The following PPP2R5E variants were observed in gnomAD, a reference collection of about 807,000 sequenced individuals.
The protein encoded by PPP2R5E is protein phosphatase 2 regulatory subunit B'epsilon.
A neutral mutation model predicts 65.3 loss-of-function variants in PPP2R5E; 4 were observed. That is an observed-to-expected ratio of 0.06 (90% CI 0.03 to 0.14). PPP2R5E has a LOEUF of 0.14. Among genes scored for constraint, PPP2R5E ranks in the 10% least tolerant of loss-of-function variants. PPP2R5E has a pLI of 1.00. For synonymous variants in PPP2R5E, 183 were observed against 187.4 expected (o/e 0.98, Z 0.19); for missense variants, 274 against 556.1 (o/e 0.49, Z 5.10).
At chr14:63,482,916 C>G (rs1170751454) in intron 2 of PPP2R5E, among the ~76,000 whole-genome samples, 5 of 152,114 alleles carry the variant, frequency 3.3e-5, no homozygotes, top group Admixed American at 6.6e-5. Flanking sequence ...GTTCTAGGTA[C>G]CGACAATACC....
At position 63,435,334 on chromosome 14, in the gene PPP2R5E, C is replaced by T. The variant is rs1005822723; in HGVS notation, c.355-13240G>A. The stretch of plus-strand genomic sequence containing the variant: ...TGTGGGTAATGATTGAATTTAAATA[C>T]CGAAACTATGGGTGATTCTTTTTTT... On this transcript the variant is annotated intron_variant, in intron 3 of 13. Coordinates refer to ENST00000337537, the MANE Select transcript of PPP2R5E (RefSeq NM_006246.5). 1.1e-4 allele frequency among the ~76,000 whole-genome samples: 17 copies of T among 152,110 alleles called. No homozygotes were observed. The East Asian group carries it at 3.1e-3, about 28-fold the overall frequency.
At chr14:63,389,477 T>C in intron 11 of PPP2R5E, 135 bp downstream of exon 11, 1 of 1,055,944 alleles carries the variant, frequency 9.5e-7, no homozygotes, top group Non-Finnish European at 1.3e-6. Context: ...AGCTGGCCAC[T>C]ATTAAAATTA....
chr14:63,378,986 T>C (rs1373977881), intron 13 of PPP2R5E, among the ~76,000 whole-genome samples: 1 of 152,140 alleles, frequency 6.6e-6, no homozygotes, highest in Non-Finnish European at 1.5e-5. Flanking sequence ...ACCCTTCTAT[T>C]GCTCATTTGA....
chr14:63,477,184 A>T (rs1890452622), intron 2 of PPP2R5E, among the ~76,000 whole-genome samples: 1 of 152,164 alleles, frequency 6.6e-6, no homozygotes, highest in South Asian at 2.1e-4. Context: ...TTAAGACAGC[A>T]TATAATACTA....
chr14:63,463,786 C>T (rs926093554), intron 2 of PPP2R5E, among the ~76,000 whole-genome samples: 1 of 151,810 alleles, frequency 6.6e-6, no homozygotes, highest in Non-Finnish European at 1.5e-5. Context: ...TTAGTAGAGA[C>T]GGGGTTTCAC....
intron 2 of PPP2R5E, among the ~76,000 whole-genome samples, chr14:63,533,544 A>G (rs568901325): frequency 4.4e-4 from 66 of 150,988 alleles, no homozygotes; most frequent in African/African-American, 1.6e-3. Flanking sequence ...CTGGGCAACA[A>G]GAGCTAAACT....
intron 4 of PPP2R5E, among the ~76,000 whole-genome samples, chr14:63,417,227 C>A (rs1021743685): frequency 7.9e-5 from 12 of 152,248 alleles, no homozygotes; most frequent in African/African-American, 2.9e-4. Flanking sequence ...AAATCACATT[C>A]TTTATTATCT....
Position 63,542,797 on chromosome 14 carries a change from G to A in PPP2R5E, c.-26C>T, listed in dbSNP as rs111469467. ...AAGTTACCTTGAAGCTTCTGGGGAA[G>A]AATCCAAAGATGATCTGTGGCTTGG... On this transcript the variant is annotated 5_prime_UTR_variant, in exon 1 of 14. Transcript: ENST00000337537. The A allele has an allele frequency of 1.8e-3, 271 of 153,538 alleles. No individual in the cohort carries two copies. Among genetic ancestry groups the A allele is most frequent in the African/African-American group, 5.7e-3 (238 of 41,570 alleles). 9.5% of individuals were successfully genotyped at this position (153,538 alleles called of 1,614,324 possible). A position where few individuals can be genotyped will look rare whatever the true frequency, so the allele number is the denominator to read the frequency against.
At chr14:63,464,313 C>T (rs927539461) in intron 2 of PPP2R5E, among the ~76,000 whole-genome samples, 4 of 152,152 alleles carry the variant, frequency 2.6e-5, no homozygotes, top group Admixed American at 2.6e-4. Flanking sequence ...GCAAGGGGGA[C>T]TAGGCACGCT....
intron 2 of PPP2R5E, among the ~76,000 whole-genome samples, chr14:63,493,496 G>C (rs779852045): frequency 1.7e-4 from 25 of 149,102 alleles, no homozygotes; most frequent in Non-Finnish European, 5.9e-5. Context: ...GTGTGTGTGC[G>C]TGTGTGTGGT....
chr14:63,441,135 T>G (rs182769850), intron 3 of PPP2R5E, among the ~76,000 whole-genome samples: 12 of 152,180 alleles, frequency 7.9e-5, no homozygotes, highest in Non-Finnish European at 4.4e-5. Context: ...GAAGATTGAA[T>G]TAACTCATAT....
At chr14:63,480,282 ACT>A (rs1171603413) in intron 2 of PPP2R5E, among the ~76,000 whole-genome samples, 4 of 151,950 alleles carry the variant, frequency 2.6e-5, no homozygotes, top group African/African-American at 9.7e-5. Flanking sequence ...ACATGGTGAA[ACT>A]CTGTCTCTAC....
chr14:63,421,904 G>T, intron 4 of PPP2R5E, 89 bp downstream of exon 4: 1 of 959,374 alleles, frequency 1.0e-6, no homozygotes, highest in Non-Finnish European at 1.6e-6. Flanking sequence ...TTGATTTCTT[G>T]GTGAATAAAG....
chr14:63,424,247 T>C (rs1887205254), intron 3 of PPP2R5E, among the ~76,000 whole-genome samples: 1 of 152,214 alleles, frequency 6.6e-6, no homozygotes, highest in Admixed American at 6.5e-5. Context: ...GAAAAGTTTA[T>C]TTCTTTACTT....
chr14:63,471,181 T>C (rs1483422105), intron 2 of PPP2R5E, among the ~76,000 whole-genome samples: 1 of 152,208 alleles, frequency 6.6e-6, no homozygotes, highest in East Asian at 1.9e-4. Context: ...GTTTCAAATT[T>C]CTGATAAAAC....
intron 2 of PPP2R5E, among the ~76,000 whole-genome samples, chr14:63,499,892 C>T (rs1374066444): frequency 2.0e-5 from 3 of 152,186 alleles, no homozygotes; most frequent in Admixed American, 6.5e-5. Flanking sequence ...AAGTCCTGAT[C>T]CCAGATCTTC....
intron 7 of PPP2R5E, 42 bp downstream of exon 7, chr14:63,395,184 T>C: frequency 6.5e-7 from 1 of 1,544,344 alleles, no homozygotes; most frequent in Non-Finnish European, 8.9e-7. Context: ...ATTTTTAAAA[T>C]AATATTCATC....
chr14:63,442,950 C>T (rs917246070), intron 3 of PPP2R5E, among the ~76,000 whole-genome samples: 1 of 152,174 alleles, frequency 6.6e-6, no homozygotes, highest in African/African-American at 2.4e-5. Flanking sequence ...AAACTCTCTG[C>T]CCTTCAGCTA....
chr14:63,534,792 A>T (rs1893599336), intron 2 of PPP2R5E, among the ~76,000 whole-genome samples: 1 of 151,782 alleles, frequency 6.6e-6, no homozygotes, highest in Non-Finnish European at 1.5e-5. Context: ...CTAATTTTTT[A>T]AATTATTTGT....
Sources: gnomAD v4.1 joint callset for allele counts (sites outside exome capture counted in the v4.1 genomes callset) on GRCh38, gnomAD v4.1.1 for gene constraint, MANE v1.5 for transcripts, NCBI Gene and HGNC (gene_info 2026-07-23, HGNC 2026-07-21) for gene names.